The following TNNI1 variants were observed in gnomAD, a reference collection of about 807,000 sequenced individuals.
TNNI1 encodes troponin I, slow skeletal muscle.
Under a neutral mutation model 26.7 loss-of-function variants are expected in TNNI1, and 14 were observed. The observed-to-expected ratio is 0.52, with a 90% CI of 0.35 to 0.82. The LOEUF is 0.82. Ranked by LOEUF, TNNI1 falls within the 40% of genes least tolerant of loss-of-function variation. TNNI1 has a pLI of 0.01. For synonymous variants in TNNI1, 79 were observed against 98.2 expected, an observed-to-expected ratio of 0.80 and a Z score of 1.16; for missense variants, 164 against 257.0, an observed-to-expected ratio of 0.64 and a Z score of 2.47.
chr1:201,407,383 A>G lies in TNNI1; in HGVS notation c.*1870T>C, dbSNP rs1558279040. ...TTTGCACACATCTGCCTCTCTGCCC[A>G]CTGACCTATTTATAGCAAGAACCCT... On this transcript the variant is annotated 3_prime_UTR_variant, in exon 9 of 9. Coordinates refer to ENST00000361379, the MANE Select transcript of TNNI1 (RefSeq NM_003281.4). 2 of 152,210 alleles carry G rather than the reference A, an allele frequency of 1.3e-5. No individual in the cohort carries two copies. Among genetic ancestry groups the G allele is most frequent in the African/African-American group, 2.4e-5 (1 of 41,448 alleles). 9.4% of individuals were successfully genotyped at this position (152,210 alleles called of 1,614,324 possible). A position where few individuals can be genotyped will look rare whatever the true frequency, so the allele number is the denominator to read the frequency against.
chr1:201,413,116 C>G lies in TNNI1; in HGVS notation c.195G>C (p.Leu65=). The change falls in exon 6 of 9, where the codon CTG becomes CTC. Residue 65 remains leucine (L), a synonymous_variant. Transcript: ENST00000361379. Reference sequence around the variant, plus strand: ...CCACCTTGGCGTGCAGCTCCCGGCACAGGTCCTGGGGGCCGCAGATGGATC... The same window carrying G: ...CCACCTTGGCGTGCAGCTCCCGGCAGAGGTCCTGGGGGCCGCAGATGGATC... ...RGLSLSALQD[L]CRELHAKVEV... 1 of 1,614,044 alleles carries G rather than the reference C, an allele frequency of 6.2e-7. No homozygotes were observed. The highest frequency in any genetic ancestry group is 8.5e-7 in the Non-Finnish European group (1 of 1,179,962).
chr1:201,412,961 G>T, intron 6 of TNNI1, 71 bp downstream of exon 6: 1 of 1,489,630 alleles, frequency 6.7e-7, no homozygotes, highest in South Asian at 1.1e-5. Context: ...GACCTCCCAT[G>T]GCTGCTGCAT....
In TNNI1 at chr1:201,414,571, C is replaced by T. The variant is rs1043296628; in HGVS notation, c.136G>A (p.Ala46Thr). 2 of 1,613,538 alleles carry T rather than the reference C, an allele frequency of 1.2e-6. No individual in the cohort carries two copies. The highest frequency in any genetic ancestry group is 1.7e-4 in the Middle Eastern group (1 of 6,052). The part of the protein sequence containing the change: ...EREAEKVRYL[A>T]ERIPTLQTRG... ...GTCTGCAGCGTGGGGATGCGCTCTGCCAGGTAGCGCACCTTCTCAGCCTCG... is the reference window on the plus strand; with the variant it reads ...GTCTGCAGCGTGGGGATGCGCTCTGTCAGGTAGCGCACCTTCTCAGCCTCG... The change falls in exon 5 of 9, where the codon GCA becomes ACA. Residue 46 changes from alanine (A) to threonine (T), a missense_variant. By Grantham distance (58) the Ala-to-Thr change is moderately conservative. Around this residue, in one of 3 missense-constraint regions of TNNI1, gnomAD observed 117 missense variants for 158.7 expected, o/e 0.74. Coordinates refer to ENST00000361379, the MANE Select transcript of TNNI1 (RefSeq NM_003281.4).
chr1:201,412,417 C>A (rs1305562131), intron 6 of TNNI1, among the ~76,000 whole-genome samples: 1 of 152,114 alleles, frequency 6.6e-6, no homozygotes, highest in Non-Finnish European at 1.5e-5. Flanking sequence ...GCTTGTGCTC[C>A]CTCCCTGCCC....
At chr1:201,418,324 C>T (rs1662791745) in intron 1 of TNNI1, among the ~76,000 whole-genome samples, 1 of 151,922 alleles carries the variant, frequency 6.6e-6, no homozygotes, top group Admixed American at 6.6e-5. Context: ...CAAAAATTAG[C>T]CAGCATGGTG....
Position 201,417,096 on chromosome 1 carries a change from A to G in TNNI1, c.15+20T>C, listed in dbSNP as rs1370516342. 1 of 1,614,154 alleles carries G rather than the reference A, an allele frequency of 6.2e-7. No individual in the cohort carries two copies. The highest frequency in any genetic ancestry group is 1.3e-5 in the African/African-American group (1 of 75,032). Reference sequence around the variant, plus strand: ...GTCGTTAGAGTTAACCAAGACAGAGATACCCCAAATATCACTTACCTCGCT... The same window carrying G: ...GTCGTTAGAGTTAACCAAGACAGAGGTACCCCAAATATCACTTACCTCGCT... On this transcript the variant is annotated intron_variant, in intron 3 of 8. Transcript: ENST00000361379.
intron 3 of TNNI1, 100 bp downstream of exon 3, chr1:201,417,016 T>C: frequency 6.8e-7 from 1 of 1,471,362 alleles, no homozygotes; most frequent in African/African-American, 1.4e-5. Flanking sequence ...CACCAGGCCT[T>C]AACACAGGCT....
chr1:201,416,090 T>C (rs555152752), intron 3 of TNNI1, among the ~76,000 whole-genome samples: 6 of 152,136 alleles, frequency 3.9e-5, no homozygotes, highest in Non-Finnish European at 8.8e-5. Context: ...GGGTGTCAAG[T>C]AGAAGTGATT....
rs916516354 is a variant in TNNI1 at position 201,405,064 on chromosome 1, T to G, written c.*4189A>C. The G allele has an allele frequency of 1.3e-5, 2 of 152,268 alleles. No homozygotes were observed. Among genetic ancestry groups the G allele is most frequent in the Non-Finnish European group, 2.9e-5 (2 of 68,090 alleles). 9.4% of individuals were successfully genotyped at this position (152,268 alleles called of 1,614,324 possible). A position where few individuals can be genotyped will look rare whatever the true frequency, so the allele number is the denominator to read the frequency against. On this transcript the variant is annotated 3_prime_UTR_variant, in exon 9 of 9. Coordinates refer to ENST00000361379, the MANE Select transcript of TNNI1 (RefSeq NM_003281.4). ...CACTGGAGCCAGTTGGGGTGCTGAG[T>G]TGAGGCCAGAGATGGGCAGCCTGTT...
At chr1:201,414,429 G>A in intron 5 of TNNI1, 89 bp downstream of exon 5, 2 of 1,178,908 alleles carry the variant, frequency 1.7e-6, no homozygotes, top group Non-Finnish European at 2.3e-6. Context: ...TTGAGCTGGT[G>A]TTAGTTCAGG....
intron 1 of TNNI1, among the ~76,000 whole-genome samples, chr1:201,420,443 G>A (rs559190284): frequency 1.3e-5 from 2 of 152,314 alleles, no homozygotes; most frequent in Admixed American, 1.3e-4. Flanking sequence ...CCGAGGGGGG[G>A]AGCAAAGAGT....
At chr1:201,416,697 A>G (rs1571737976) in intron 3 of TNNI1, among the ~76,000 whole-genome samples, 1 of 152,240 alleles carries the variant, frequency 6.6e-6, no homozygotes, top group East Asian at 1.9e-4. Context: ...CCATTGGGCA[A>G]GGGTGGAATA....
At chr1:201,418,298 G>A (rs868193676) in intron 1 of TNNI1, among the ~76,000 whole-genome samples, 14 of 151,740 alleles carry the variant, frequency 9.2e-5, no homozygotes, top group Admixed American at 2.0e-4. Flanking sequence ...GTCAAACCCC[G>A]TCTCTACTAA....
chr1:201,413,694 A>G (rs1408344024), intron 5 of TNNI1, among the ~76,000 whole-genome samples: 2 of 150,876 alleles, frequency 1.3e-5, no homozygotes, highest in African/African-American at 4.9e-5. Flanking sequence ...GCAGTGAGCC[A>G]AGATCACGCC....
rs1662492659 is a variant in TNNI1, at chr1:201,405,214, C to T, written c.*4039G>A. 1 of 152,790 alleles carries T rather than the reference C, an allele frequency of 6.5e-6. No individual in the cohort carries two copies. Among genetic ancestry groups the T allele is most frequent in the African/African-American group, 2.4e-5 (1 of 41,464 alleles). 9.5% of individuals were successfully genotyped at this position (152,790 alleles called of 1,614,324 possible). On this transcript the variant is annotated 3_prime_UTR_variant, in exon 9 of 9. Coordinates refer to ENST00000361379, the MANE Select transcript of TNNI1 (RefSeq NM_003281.4). ...TAGGTTTGTGACCTTGAGCAAGTCA[C>T]CCTCCCTCTCTGGTCCTTCGGACAT... is the stretch of plus-strand genomic sequence containing the variant.
intron 3 of TNNI1, among the ~76,000 whole-genome samples, chr1:201,415,890 T>A (rs924455874): frequency 1.3e-5 from 2 of 152,134 alleles, no homozygotes; most frequent in African/African-American, 4.8e-5. Flanking sequence ...CCTGTGACAG[T>A]GGTCCCTCAG....
intron 8 of TNNI1, among the ~76,000 whole-genome samples, chr1:201,409,647 G>C (rs567082305): frequency 6.6e-6 from 1 of 152,350 alleles, no homozygotes; most frequent in Non-Finnish European, 1.5e-5. Flanking sequence ...GACCAGTGCT[G>C]TCTGGTGGAT....
chr1:201,414,371 A>G, intron 5 of TNNI1, 147 bp downstream of exon 5: 1 of 668,884 alleles, frequency 1.5e-6, no homozygotes, highest in East Asian at 3.0e-5. Flanking sequence ...GGTTGTGAAG[A>G]TTAAATGAGA....
At position 201,405,739 on chromosome 1, in the gene TNNI1, T is replaced by G. The variant is rs1173086290; in HGVS notation, c.*3514A>C. ...CTTGCGCCGTGGGGACCGGGCACCC[T>G]GTGGGGAAAGGTGGGAGCAACAGCT... On this transcript the variant is annotated 3_prime_UTR_variant, in exon 9 of 9. Coordinates refer to ENST00000361379, the MANE Select transcript of TNNI1 (RefSeq NM_003281.4). The G allele has an allele frequency of 2.0e-5, 3 of 152,796 alleles. No individual in the cohort carries two copies. The highest frequency in any genetic ancestry group is 7.2e-5 in the African/African-American group (3 of 41,444). 9.5% of individuals were successfully genotyped at this position (152,796 alleles called of 1,614,324 possible). A position where few individuals can be genotyped will look rare whatever the true frequency, so the allele number is the denominator to read the frequency against.
Sources: allele counts gnomAD v4.1 joint callset (sites outside exome capture counted in the v4.1 genomes callset), GRCh38; gene constraint gnomAD v4.1.1; regional missense constraint gnomAD v4.1.1; transcripts MANE v1.5; gene names NCBI Gene and HGNC (gene_info 2026-07-23, HGNC 2026-07-21).